The following POU2F1 variants were observed in gnomAD, a reference collection of about 807,000 sequenced individuals.
POU2F1 encodes POU domain, class 2, transcription factor 1.
Under a neutral mutation model 84.9 loss-of-function variants are expected in POU2F1, and 16 were observed. That is an observed-to-expected ratio of 0.19 (90% CI 0.13 to 0.29). The LOEUF is 0.29. Among genes scored for constraint, POU2F1 ranks in the 10% least tolerant of loss-of-function variants. The probability of loss-of-function intolerance (pLI) is 1.00; values close to 1 mark genes in which losing one functional copy is unlikely to be tolerated. For synonymous variants in POU2F1, 368 were observed against 368.3 expected (o/e 1.00, Z 0.01); for missense variants, 738 against 942.6 (o/e 0.78, Z 2.84).
chr1:167,376,274 T>G (rs12730995), intron 7 of POU2F1, 119 bp downstream of exon 7: 38,358 of 1,176,206 alleles, frequency 0.033, 763 homozygotes, highest in Non-Finnish European at 0.038. Context: ...TTATTAAATT[T>G]TATTTGATTA....
rs1019196068 is a variant in POU2F1, at chr1:167,251,374, G to A, written c.61+30416G>A. ...AGATCATGCCACTGCACTCCAGCCTGGGTGACAGAGGGAGACCTTGTCATA... is the reference window on the plus strand; with the variant it reads ...AGATCATGCCACTGCACTCCAGCCTAGGTGACAGAGGGAGACCTTGTCATA... On this transcript the variant is annotated intron_variant, in intron 1 of 15. Transcript: ENST00000367866. Among the ~76,000 whole-genome samples the A allele has an allele frequency of 2.6e-5, 4 of 152,222 alleles. No homozygotes were observed. The East Asian group carries it at 7.7e-4, about 29-fold the overall frequency.
chr1:167,407,250 G>T (rs768445798), intron 13 of POU2F1, among the ~76,000 whole-genome samples: 1 of 151,850 alleles, frequency 6.6e-6, no homozygotes, highest in Non-Finnish European at 1.5e-5. Flanking sequence ...GGCTGGTCTC[G>T]AACTCCTGGG....
At chr1:167,248,666 T>A (rs913822173) in intron 1 of POU2F1, among the ~76,000 whole-genome samples, 8 of 152,126 alleles carry the variant, frequency 5.3e-5, no homozygotes, top group African/African-American at 1.7e-4. Flanking sequence ...AGGAATTAGG[T>A]TGGGATAAGG....
chr1:167,252,195 T>C (rs1272974965), intron 1 of POU2F1, among the ~76,000 whole-genome samples: 2 of 152,210 alleles, frequency 1.3e-5, no homozygotes, highest in East Asian at 1.9e-4. Context: ...AAATCAAATG[T>C]ATTTCTTTTC....
intron 1 of POU2F1, among the ~76,000 whole-genome samples, chr1:167,250,017 A>G (rs1157821302): frequency 2.0e-5 from 3 of 152,226 alleles, no homozygotes; most frequent in Non-Finnish European, 2.9e-5. Flanking sequence ...TCTTGTTTGC[A>G]TAGAATAATG....
chr1:167,397,862 T>A, intron 10 of POU2F1, 132 bp from the exon 11 acceptor site: 1 of 936,912 alleles, frequency 1.1e-6, no homozygotes, highest in Non-Finnish European at 1.6e-6. Context: ...AATATTGTAA[T>A]GTAGGTTATG....
chr1:167,275,383 CT>C (rs35741345), intron 1 of POU2F1, among the ~76,000 whole-genome samples: 5,874 of 145,296 alleles, frequency 0.04, 192 homozygotes, highest in African/African-American at 0.097. Context: ...TTACAGAAGA[CT>C]TTTTTTTTTT....
At chr1:167,227,879 T>C (rs1313769332) in intron 1 of POU2F1, among the ~76,000 whole-genome samples, 2 of 152,230 alleles carry the variant, frequency 1.3e-5, no homozygotes, top group East Asian at 1.9e-4. Context: ...ATATTATAGC[T>C]GGAAGGTAAT....
At chr1:167,254,059 T>C (rs1282150898) in intron 1 of POU2F1, among the ~76,000 whole-genome samples, 1 of 152,204 alleles carries the variant, frequency 6.6e-6, no homozygotes, top group Non-Finnish European at 1.5e-5. Context: ...CAGACTCCTG[T>C]ATTATATGGT....
intron 3 of POU2F1, among the ~76,000 whole-genome samples, chr1:167,369,368 A>G (rs992607227): frequency 5.3e-5 from 8 of 152,118 alleles, no homozygotes; most frequent in African/African-American, 1.7e-4. Flanking sequence ...AAAAGATACT[A>G]TTTTACCCTT....
At chr1:167,339,432 G>A (rs1165958595) in intron 2 of POU2F1, among the ~76,000 whole-genome samples, 1 of 152,174 alleles carries the variant, frequency 6.6e-6, no homozygotes, top group Non-Finnish European at 1.5e-5. Context: ...ATGATAGTTG[G>A]AAAAGTAAAG....
chr1:167,338,316 A>C lies in POU2F1; in HGVS notation c.127+5781A>C, dbSNP rs555409850. On this transcript the variant is annotated intron_variant, in intron 2 of 15. Transcript: ENST00000367866. ...TTAGCTTACTTTACTGTAAGAATACAGTATATAATACATATACAAATATGT... is the reference window on the plus strand; with the variant it reads ...TTAGCTTACTTTACTGTAAGAATACCGTATATAATACATATACAAATATGT... The C allele has an allele frequency of 5.1e-5, 23 of 447,376 alleles. No homozygotes were observed. In the East Asian group the frequency reaches 1.3e-3, roughly 24 times the overall value. The allele number at this position is 447,376 out of a possible 1,614,324, so 27.7% of individuals were successfully genotyped here.
intron 1 of POU2F1, among the ~76,000 whole-genome samples, chr1:167,264,173 T>TGGGA (rs1291209805): frequency 6.6e-6 from 1 of 152,114 alleles, no homozygotes; most frequent in Non-Finnish European, 1.5e-5. Context: ...GTACAGCTAA[T>TGGGA]TTATAGTGGT....
At chr1:167,221,134 G>A (rs1035506770) in intron 1 of POU2F1, among the ~76,000 whole-genome samples, 176 bp downstream of exon 1, 2 of 151,560 alleles carry the variant, frequency 1.3e-5, no homozygotes, top group Admixed American at 1.3e-4. Context: ...GGGGAAAGAG[G>A]CTCGGAGCGG....
At chr1:167,351,977 G>A (rs150024364) in intron 2 of POU2F1, among the ~76,000 whole-genome samples, 422 of 152,224 alleles carry the variant, frequency 2.8e-3, no homozygotes, top group Non-Finnish European at 4.4e-3. Context: ...TCCTCCCACC[G>A]CAAAAATAGA....
intron 3 of POU2F1, among the ~76,000 whole-genome samples, 187 bp from the exon 4 acceptor site, chr1:167,369,974 G>A (rs1232190254): frequency 1.3e-5 from 2 of 150,822 alleles, no homozygotes; most frequent in Admixed American, 6.6e-5. Context: ...TGTGGGACCC[G>A]TTGGGGTGGG....
chr1:167,358,189 C>T (rs11810672), intron 2 of POU2F1, among the ~76,000 whole-genome samples: 57,801 of 139,916 alleles, frequency 0.41, 13,902 homozygotes, highest in East Asian at 0.71. Context: ...AGTGCAGTGG[C>T]GCGATCTCGG....
Position 167,415,933 on chromosome 1 carries a change from A to T in POU2F1, c.*123A>T. On this transcript the variant is annotated 3_prime_UTR_variant, in exon 16 of 16. Transcript: ENST00000367866. The stretch of plus-strand genomic sequence containing the variant: ...TCGCCGTGTTGTGAGGGCAAAGGAG[A>T]GAAGGGAGAAAAAAAAAAAAAAACC... 22 of 633,190 alleles carry T rather than the reference A, an allele frequency of 3.5e-5. No individual in the cohort carries two copies. Among genetic ancestry groups the T allele is most frequent in the Non-Finnish European group, 4.8e-5 (19 of 395,624 alleles). The allele number at this position is 633,190 out of a possible 1,614,324, so 39.2% of individuals were successfully genotyped here. A position where few individuals can be genotyped will look rare whatever the true frequency, so the allele number is the denominator to read the frequency against.
At chr1:167,359,413 C>T (rs1389269648) in intron 2 of POU2F1, among the ~76,000 whole-genome samples, 3 of 152,102 alleles carry the variant, frequency 2.0e-5, no homozygotes, top group Non-Finnish European at 4.4e-5. Context: ...GTGTTTAACT[C>T]CCACTTAAAT....
Sources: gnomAD v4.1 joint callset for allele counts (sites outside exome capture counted in the v4.1 genomes callset) on GRCh38, gnomAD v4.1.1 for gene constraint, MANE v1.5 for transcripts, NCBI Gene and HGNC (gene_info 2026-07-23, HGNC 2026-07-21) for gene names.